The following MYO5A variants were observed in gnomAD, a reference collection of about 807,000 sequenced individuals.
MYO5A encodes the protein myosin VA.
In MYO5A, 98 loss-of-function variants were observed where a neutral mutation model predicts 249.7. The observed-to-expected ratio is 0.39, with a 90% CI of 0.33 to 0.46. The LOEUF (loss-of-function observed/expected upper bound fraction) is 0.46, where lower values mean the gene tolerates loss of function less well. MYO5A is among the 20% of genes least tolerant of loss of function. The probability of loss-of-function intolerance (pLI) is 0.98; values close to 1 mark genes in which losing one functional copy is unlikely to be tolerated. For synonymous variants in MYO5A, 778 were observed against 810.6 expected, an observed-to-expected ratio of 0.96 and a Z score of 0.68; for missense variants, 1,696 against 2,308.8, an observed-to-expected ratio of 0.73 and a Z score of 5.44.
In MYO5A at chr15:52,397,340, G is replaced by C. The variant is rs768861816; in HGVS notation, c.1180C>G (p.Leu394Val). 1 of 1,614,134 alleles carries C rather than the reference G, an allele frequency of 6.2e-7. No individual in the cohort carries two copies. Among genetic ancestry groups the C allele is most frequent in the Admixed American group, 1.7e-5 (1 of 60,026 alleles). Residue 394 changes from leucine to valine, a missense_variant, in exon 10 of 42, where the codon CTG becomes GTG. Coordinates refer to ENST00000399233, the MANE Select transcript of MYO5A (RefSeq NM_001382347.1). ...TETYIKPISKLQATNARDALA... is the reference protein window; with the variant it reads ...TETYIKPISKVQATNARDALA... Reference sequence around the variant, plus strand: ...GCATCGCGGGCATTCGTGGCCTGCAGCTTGGAGATGGGCTTGATGTATGTC... The same window carrying C: ...GCATCGCGGGCATTCGTGGCCTGCACCTTGGAGATGGGCTTGATGTATGTC...
At position 52,384,305 on chromosome 15, in the gene MYO5A, T is replaced by C; in HGVS notation, c.1770A>G (p.Glu590=). 6.2e-7 allele frequency: 1 copy of C among 1,614,158 alleles called. No homozygotes were observed. Residue 590 remains glutamate, a synonymous_variant, in exon 15 of 42, where the codon GAA becomes GAG. Transcript: ENST00000399233. Reference sequence around the variant, plus strand: ...TGGCCTTCTCATCATCTTGAAATAGTTCTGGTAGCATCTTAAACTAAGTCA... The same window carrying C: ...TGGCCTTCTCATCATCTTGAAATAGCTCTGGTAGCATCTTAAACTAAGTCA... ...LKSSKFKMLP[E]LFQDDEKAIS...
rs201695445 is a variant in MYO5A, at chr15:52,364,242, A to AC, written c.3309+311_3309+312insG. On this transcript the variant is annotated intron_variant, in intron 24 of 41. Coordinates refer to ENST00000399233, the MANE Select transcript of MYO5A (RefSeq NM_001382347.1). ...ACACAGGGAGACTCCATCTCAAAAA[A>AC]AAAAACAAAAACAAAAACAAAAATC... Among the ~76,000 whole-genome samples, 1,184 of 152,228 alleles carry AC rather than the reference A, an allele frequency of 7.8e-3. 14 individuals are homozygous for AC. Among genetic ancestry groups the AC allele is most frequent in the African/African-American group, 0.027 (1,135 of 41,546 alleles).
chr15:52,318,477 AAAT>A (rs1488227422), intron 39 of MYO5A, among the ~76,000 whole-genome samples: 15 of 149,634 alleles, frequency 1.0e-4, no homozygotes, highest in Middle Eastern at 3.4e-3. Flanking sequence ...AAAAAAAAAA[AAAT>A]TTGCAAAAAA....
chr15:52,318,891 C>A (rs140673765), intron 39 of MYO5A, among the ~76,000 whole-genome samples, 169 bp downstream of exon 39: 50 of 152,298 alleles, frequency 3.3e-4, no homozygotes, highest in African/African-American at 1.2e-3. Flanking sequence ...GTGGTGAAAT[C>A]CAGCCAGGCA....
At position 52,370,256 on chromosome 15, in the gene MYO5A, G is replaced by C. The variant is rs1372986830; in HGVS notation, c.2979C>G (p.Ala993=). 1.2e-6 allele frequency: 2 copies of C among 1,614,082 alleles called. No individual in the cohort carries two copies. Among genetic ancestry groups the C allele is most frequent in the Non-Finnish European group, 1.7e-6 (2 of 1,179,994 alleles). The change falls in exon 22 of 42, where the codon GCC becomes GCG. Residue 993 remains alanine, a synonymous_variant. Coordinates refer to ENST00000399233, the MANE Select transcript of MYO5A (RefSeq NM_001382347.1). ...GRVLSLQEEI[A]KLRKDLEQTR... is the part of the protein sequence containing the mutation. ...TTTGCTCCAGGTCTTTCCGGAGCTT[G>C]GCAATTTCTTCCTGCAGACTAAGGA...
intron 25 of MYO5A, among the ~76,000 whole-genome samples, chr15:52,356,271 C>T (rs2414139): frequency 0.67 from 102,428 of 152,008 alleles, 36,187 homozygotes; most frequent in Admixed American, 0.76. Flanking sequence ...TTTACTTTTG[C>T]TTTTCTGATA....
chr15:52,519,539 G>C (rs569186393), intron 1 of MYO5A, among the ~76,000 whole-genome samples: 1 of 152,060 alleles, frequency 6.6e-6, no homozygotes, highest in East Asian at 1.9e-4. Flanking sequence ...TTGAGCCCAG[G>C]AGTTCGAGGC....
intron 9 of MYO5A, among the ~76,000 whole-genome samples, chr15:52,400,549 A>G (rs1333204275): frequency 2.6e-5 from 4 of 152,208 alleles, no homozygotes; most frequent in African/African-American, 9.6e-5. Context: ...CATTGAATTT[A>G]GTTATCATGT....
chr15:52,355,291 A>G (rs2141031248), intron 25 of MYO5A, among the ~76,000 whole-genome samples: 1 of 152,350 alleles, frequency 6.6e-6, no homozygotes, highest in South Asian at 2.1e-4. Context: ...TCTCAGATTC[A>G]ACCAACTGTG....
intron 28 of MYO5A, 102 bp from the exon 29 acceptor site, chr15:52,348,928 G>A: frequency 8.1e-7 from 1 of 1,237,412 alleles, no homozygotes; most frequent in Non-Finnish European, 1.1e-6. Context: ...ACAGATAAAA[G>A]CTAATTTAAA....
chr15:52,395,235 C>T (rs1595590453), intron 11 of MYO5A, among the ~76,000 whole-genome samples: 1 of 152,164 alleles, frequency 6.6e-6, no homozygotes, highest in African/African-American at 2.4e-5. Flanking sequence ...CTAGTGATTT[C>T]GTTATGACAC....
intron 1 of MYO5A, among the ~76,000 whole-genome samples, chr15:52,445,022 T>C (rs2141350501): frequency 6.6e-6 from 1 of 152,314 alleles, no homozygotes; most frequent in South Asian, 2.1e-4. Flanking sequence ...TCCCTTTGTG[T>C]TGCTCCCCAG....
chr15:52,336,687 AC>A, intron 33 of MYO5A, 131 bp from the exon 34 acceptor site: 1 of 713,760 alleles, frequency 1.4e-6, no homozygotes, highest in South Asian at 1.7e-5. Flanking sequence ...TGGAGCCACC[AC>A]CTGGCTAAAA....
chr15:52,329,343 T>C (rs1195295141), intron 35 of MYO5A, among the ~76,000 whole-genome samples: 1 of 152,202 alleles, frequency 6.6e-6, no homozygotes, highest in Non-Finnish European at 1.5e-5. Context: ...CCAATCACAC[T>C]GCTGTCACCC....
chr15:52,422,173 GC>G (rs1257725458), intron 4 of MYO5A, among the ~76,000 whole-genome samples: 5 of 152,136 alleles, frequency 3.3e-5, no homozygotes, highest in African/African-American at 1.2e-4. Context: ...AAATTAAAAG[GC>G]TATTCTAGGA....
At chr15:52,399,121 T>C (rs2042625729) in intron 9 of MYO5A, among the ~76,000 whole-genome samples, 3 of 152,214 alleles carry the variant, frequency 2.0e-5, no homozygotes, top group Non-Finnish European at 2.9e-5. Flanking sequence ...GTTTAAATTC[T>C]CCACAGCTTT....
intron 30 of MYO5A, among the ~76,000 whole-genome samples, chr15:52,345,584 C>CAA (rs71923501): frequency 3.2e-5 from 3 of 92,656 alleles, no homozygotes; most frequent in Non-Finnish European, 7.5e-5. Context: ...AACTCCATTT[C>CAA]AAAAAAAAAA....
chr15:52,471,619 A>ACACACACACACC (rs773132992), intron 1 of MYO5A, among the ~76,000 whole-genome samples: 99 of 149,300 alleles, frequency 6.6e-4, no homozygotes, highest in Non-Finnish European at 9.4e-4. Context: ...ACACACACAC[A>ACACACACACACC]CCCCAAACAA....
intron 9 of MYO5A, among the ~76,000 whole-genome samples, chr15:52,404,072 C>G (rs1022667877): frequency 3.3e-5 from 5 of 152,078 alleles, no homozygotes; most frequent in African/African-American, 1.2e-4. Flanking sequence ...TCAAGAGCAG[C>G]CTGGCCAACA....
Sources: allele counts gnomAD v4.1 joint callset (sites outside exome capture counted in the v4.1 genomes callset), GRCh38; gene constraint gnomAD v4.1.1; transcripts MANE v1.5; gene names NCBI Gene and HGNC (gene_info 2026-07-23, HGNC 2026-07-21).